The following CELF2 variants were observed in gnomAD, a reference collection of about 807,000 sequenced individuals.
The protein encoded by CELF2 is CUG triplet repeat RNA-binding protein 2.
CELF2 carries 8 observed loss-of-function variants against 62.6 expected under a neutral mutation model. The ratio of observed to expected loss-of-function variants is 0.13; its 90% CI spans 0.07 to 0.23. The LOEUF is 0.23. CELF2 is among the 10% of genes least tolerant of loss of function. The probability of loss-of-function intolerance (pLI) is 1.00; values close to 1 mark genes in which losing one functional copy is unlikely to be tolerated. For synonymous variants in CELF2, 258 were observed against 250.0 expected (o/e 1.03, Z -0.30); for missense variants, 333 against 671.0 (o/e 0.50, Z 5.56).
chr10:11,114,086 A>G (rs2055943979), intron 1 of CELF2, among the ~76,000 whole-genome samples: 2 of 152,124 alleles, frequency 1.3e-5, no homozygotes, highest in Non-Finnish European at 2.9e-5. Context: ...TTTGATTATT[A>G]TGTTCCTCCC....
At chr10:10,673,343 C>T in the CELF2 span, among the ~76,000 whole-genome samples, 1 of 152,092 alleles carries the variant, frequency 6.6e-6, no homozygotes, top group Non-Finnish European at 1.5e-5. Flanking sequence ...AGGGAACATC[C>T]TTGCCTTGTT....
chr10:11,176,798 G>A lies in CELF2; in HGVS notation c.271+11116G>A, dbSNP rs2071329571. Among the ~76,000 whole-genome samples, 3 of 152,138 alleles carry A rather than the reference G, an allele frequency of 2.0e-5. No homozygotes were observed. The South Asian group carries it at 6.2e-4, about 32-fold the overall frequency. Reference sequence around the variant, plus strand: ...TACCATCAACAAGGCGTTACTTTTGGGTAATTTTTTCAATGTTTATCCCAG... The same window carrying A: ...TACCATCAACAAGGCGTTACTTTTGAGTAATTTTTTCAATGTTTATCCCAG... On this transcript the variant is annotated intron_variant, in intron 2 of 12. Transcript: ENST00000633077.
chr10:11,070,790 G>A (rs748890408), intron 1 of CELF2, among the ~76,000 whole-genome samples: 7 of 152,150 alleles, frequency 4.6e-5, no homozygotes, highest in Admixed American at 1.3e-4. Context: ...GTGAATGTTC[G>A]GGGAAGGGTG....
Position 11,110,346 on chromosome 10 carries a change from T to G in CELF2, c.75-55140T>G, listed in dbSNP as rs150541833. On this transcript the variant is annotated intron_variant, in intron 1 of 12. Transcript: ENST00000633077. This position sits in a 1 kb window ranked among gnomAD's most constrained non-coding sequence, Gnocchi z 4.0. ...TAGATGTATTACTAGAGTGTGATTT[T>G]CTGTGTGAGTATTCATCCCCGTCAT... is the stretch of plus-strand genomic sequence containing the variant. Among the ~76,000 whole-genome samples, 44 of 152,352 alleles carry G rather than the reference T, an allele frequency of 2.9e-4. No homozygotes were observed. The highest frequency in any genetic ancestry group is 1.0e-3 in the African/African-American group (42 of 41,580).
chr10:11,214,680 T>C lies in CELF2; in HGVS notation c.272-2745T>C, dbSNP rs2062835001. On this transcript the variant is annotated intron_variant, in intron 2 of 12. Transcript: ENST00000633077. This position sits in a 1 kb window ranked among gnomAD's most constrained non-coding sequence, Gnocchi z 4.2. Reference sequence around the variant, plus strand: ...GATGAACGGTAAGGCACATTAGCAGTGTTACCTACGGTATCCTCCTGCGTG... The same window carrying C: ...GATGAACGGTAAGGCACATTAGCAGCGTTACCTACGGTATCCTCCTGCGTG... Among the ~76,000 whole-genome samples, 1 of 152,200 alleles carries C rather than the reference T, an allele frequency of 6.6e-6. No individual in the cohort carries two copies. Among genetic ancestry groups the C allele is most frequent in the South Asian group, 2.1e-4 (1 of 4,826 alleles).
chr10:11,239,562 A>G (rs1565487101), intron 3 of CELF2, among the ~76,000 whole-genome samples: 2 of 152,252 alleles, frequency 1.3e-5, no homozygotes, highest in Non-Finnish European at 2.9e-5. Flanking sequence ...CTGTGCCATC[A>G]GTGTTTTAAG....
intron 1 of CELF2, among the ~76,000 whole-genome samples, chr10:10,871,450 A>G (rs1321677180): frequency 1.3e-5 from 2 of 152,168 alleles, no homozygotes; most frequent in African/African-American, 4.8e-5. Flanking sequence ...TTTACATAAC[A>G]CAGTCTGAAA....
chr10:10,478,302 T>C, the CELF2 span, among the ~76,000 whole-genome samples: 1 of 152,206 alleles, frequency 6.6e-6, no homozygotes, highest in Non-Finnish European at 1.5e-5. Flanking sequence ...ATTTATTTGC[T>C]GAAGCTCACA....
chr10:11,016,564 T>C (rs1033290251), upstream of CELF2, among the ~76,000 whole-genome samples: 9 of 152,222 alleles, frequency 5.9e-5, no homozygotes, highest in Admixed American at 2.0e-4. This position sits in a 1 kb window ranked among gnomAD's most constrained non-coding sequence, Gnocchi z 5.2. Context: ...CCTCTAAAGA[T>C]AGTTAGCTGT....
Position 11,316,871 on chromosome 10 carries a change from T to TGA in CELF2, c.1096+2615_1096+2616dup, listed in dbSNP as rs1328829578. On this transcript the variant is annotated intron_variant, in intron 10 of 12. Transcript: ENST00000633077. The surrounding 1 kb of genome is among the most constrained non-coding windows in gnomAD (Gnocchi z 4.4). ...TCCTTTTTATTCCCTGATACATTAA[T>TGA]GAGTCAAAGGGCTAAAAAACAGTAC... The TGA allele has an allele frequency of 6.6e-6, 1 of 152,192 alleles. No homozygotes were observed. The highest frequency in any genetic ancestry group is 1.5e-5 in the Non-Finnish European group (1 of 68,022). The allele number at this position is 152,192 out of a possible 1,614,324, so 9.4% of individuals were successfully genotyped here. A position where few individuals can be genotyped will look rare whatever the true frequency, so the allele number is the denominator to read the frequency against.
chr10:11,245,217 CAAG>C (rs2075251580), intron 3 of CELF2, among the ~76,000 whole-genome samples: 2 of 152,190 alleles, frequency 1.3e-5, no homozygotes, highest in African/African-American at 4.8e-5. Flanking sequence ...AATAACTTCT[CAAG>C]AAATCTCCCA....
chr10:10,625,734 T>C, the CELF2 span, among the ~76,000 whole-genome samples: 1 of 152,180 alleles, frequency 6.6e-6, no homozygotes, highest in Non-Finnish European at 1.5e-5. Context: ...CATTCACGCT[T>C]CTTATCCATC....
At chr10:10,864,539 A>C (rs2060237003) in intron 1 of CELF2, among the ~76,000 whole-genome samples, 1 of 152,152 alleles carries the variant, frequency 6.6e-6, no homozygotes, top group Non-Finnish European at 1.5e-5. Context: ...ATTCAGTTCC[A>C]GGTGAGGGCT....
chr10:10,790,092 T>C, the CELF2 span, among the ~76,000 whole-genome samples: 1 of 152,142 alleles, frequency 6.6e-6, no homozygotes, highest in Admixed American at 6.5e-5. Flanking sequence ...TTATTTTGGT[T>C]TTGAATATGA....
chr10:11,009,956 G>A (rs542494729), intron 1 of CELF2, among the ~76,000 whole-genome samples: 19 of 152,342 alleles, frequency 1.2e-4, no homozygotes, highest in African/African-American at 4.6e-4. Flanking sequence ...AGCATCACGG[G>A]CTTCTAGCAG....
At chr10:10,927,368 A>AAAAAAAAAAAAAAAAC (rs2065623776) in intron 2 of CELF2, 1 of 143,956 alleles carries the variant, frequency 6.9e-6, no homozygotes, top group Non-Finnish European at 1.5e-5. Flanking sequence ...AAAAAAAAAC[A>AAAAAAAAAAAAAAAAC]CCTTTTTCTG....
At chr10:10,970,880 C>A (rs778197306) in intron 2 of CELF2, 71 of 151,196 alleles carry the variant, frequency 4.7e-4, no homozygotes, top group Admixed American at 4.3e-3. Context: ...ACTTTGTTTT[C>A]TTTTCTTTGT....
intron 8 of CELF2, among the ~76,000 whole-genome samples, chr10:11,277,586 C>T (rs1034281317): frequency 1.3e-5 from 2 of 152,136 alleles, no homozygotes; most frequent in Non-Finnish European, 2.9e-5. Context: ...GACATAAATC[C>T]CCAGTGGAGC....
At chr10:10,841,420 A>G (rs2058677780) in intron 1 of CELF2, among the ~76,000 whole-genome samples, 2 of 151,282 alleles carry the variant, frequency 1.3e-5, no homozygotes, top group Non-Finnish European at 1.5e-5. Context: ...ATAGTTTTAT[A>G]TCTGAGTTAA....
Sources: allele counts gnomAD v4.1 joint callset (sites outside exome capture counted in the v4.1 genomes callset), GRCh38; gene constraint gnomAD v4.1.1; non-coding constraint Gnocchi (gnomAD v3.1); transcripts MANE v1.5; gene names NCBI Gene and HGNC (gene_info 2026-07-23, HGNC 2026-07-21).